The following ROBO2 variants were observed in gnomAD, a reference collection of about 807,000 sequenced individuals.
The protein encoded by ROBO2 is roundabout guidance receptor 2.
ROBO2 carries 53 observed loss-of-function variants against 160.8 expected under a neutral mutation model. That is an observed-to-expected ratio of 0.33 (90% CI 0.26 to 0.41). The LOEUF is 0.41. Ranked by LOEUF, ROBO2 falls within the 10% of genes least tolerant of loss-of-function variation. ROBO2 has a pLI of 1.00. For missense variants in ROBO2, 1,577 were observed against 1,722.4 expected (o/e 0.92, Z 1.49); for synonymous variants, 664 against 611.7 (o/e 1.09, Z -1.26).
chr3:77,488,513 T>C (rs551704313), intron 4 of ROBO2, among the ~76,000 whole-genome samples: 9 of 152,332 alleles, frequency 5.9e-5, no homozygotes, highest in African/African-American at 2.2e-4. Flanking sequence ...TATTCAATAG[T>C]TTAAGATTTT....
intron 2 of ROBO2, among the ~76,000 whole-genome samples, chr3:76,459,340 A>G (rs2077959668): frequency 6.6e-6 from 1 of 152,218 alleles, no homozygotes; most frequent in Non-Finnish European, 1.5e-5. Flanking sequence ...TAAAATTTCA[A>G]CGGTGTAACA....
rs573768570 is a variant in ROBO2, at chr3:75,911,556, T to C, written c.-14+4596T>C. ...TCCCTTTCTGAAGCCTTGTTTCTTT[T>C]TTTTTTTTTTTTTTTTTTTGAGACG... On this transcript the variant is annotated intron_variant, in intron 1 of 26. Transcript: ENST00000487694. Among the ~76,000 whole-genome samples the C allele has an allele frequency of 7.9e-5, 10 of 126,212 alleles. No individual in the cohort carries two copies. In the East Asian group the frequency reaches 2.1e-3, roughly 27 times the overall value. The allele number at this position is 126,212 out of a possible 152,430, so 82.8% of individuals were successfully genotyped here.
intron 8 of ROBO2, among the ~76,000 whole-genome samples, chr3:77,551,402 T>A (rs2092916361): frequency 3.3e-5 from 5 of 152,060 alleles, no homozygotes. Context: ...AGTTAGCTAA[T>A]CACATTAGGA....
intron 2 of ROBO2, among the ~76,000 whole-genome samples, chr3:77,224,774 G>T (rs761843250): frequency 2.6e-5 from 4 of 151,778 alleles, no homozygotes; most frequent in Non-Finnish European, 5.9e-5. Flanking sequence ...CTGGGCAGAA[G>T]AATCTTGATA....
chr3:76,371,747 G>A (rs527656681), intron 2 of ROBO2, among the ~76,000 whole-genome samples: 136 of 151,808 alleles, frequency 9.0e-4, no homozygotes, highest in Non-Finnish European at 1.8e-3. Context: ...GCAATTATTT[G>A]ACCATATCAA....
intron 2 of ROBO2, among the ~76,000 whole-genome samples, chr3:77,221,878 G>A (rs2085862683): frequency 7.4e-6 from 1 of 134,248 alleles, no homozygotes. Context: ...TTTTGAGACA[G>A]AGTCTTGCTC....
At chr3:76,087,292 A>G (rs1168652324) in intron 2 of ROBO2, among the ~76,000 whole-genome samples, 1 of 152,096 alleles carries the variant, frequency 6.6e-6, no homozygotes, top group African/African-American at 2.4e-5. Flanking sequence ...CCTTAATTAT[A>G]AAAGATCAAA....
intron 2 of ROBO2, among the ~76,000 whole-genome samples, chr3:76,995,785 T>A (rs1417622333): frequency 5.3e-5 from 8 of 152,208 alleles, no homozygotes; most frequent in Non-Finnish European, 1.0e-4. Flanking sequence ...TTTGCCCACT[T>A]TTTGATGGGG....
chr3:76,264,430 A>C (rs998764144), intron 2 of ROBO2, among the ~76,000 whole-genome samples: 1 of 151,756 alleles, frequency 6.6e-6, no homozygotes, highest in African/African-American at 2.4e-5. Context: ...CCTACTTTAT[A>C]GTACATTTTC....
chr3:76,358,245 T>G (rs1433633616), intron 2 of ROBO2, among the ~76,000 whole-genome samples: 2 of 151,994 alleles, frequency 1.3e-5, no homozygotes, highest in Non-Finnish European at 2.9e-5. Context: ...TGCTTCATTT[T>G]TCCCCACTCC....
At chr3:76,815,362 T>C (rs966282558) in intron 2 of ROBO2, among the ~76,000 whole-genome samples, 1 of 151,962 alleles carries the variant, frequency 6.6e-6, no homozygotes, top group Non-Finnish European at 1.5e-5. Context: ...AGCTGAGCTA[T>C]TTTAAACCTA....
chr3:76,482,068 C>T (rs1487517505), intron 2 of ROBO2, among the ~76,000 whole-genome samples: 1 of 152,044 alleles, frequency 6.6e-6, no homozygotes. Context: ...ACCTGATGTG[C>T]CAAATCTTGA....
At chr3:77,530,268 G>T (rs1039556103) in intron 6 of ROBO2, among the ~76,000 whole-genome samples, 24 of 151,922 alleles carry the variant, frequency 1.6e-4, no homozygotes, top group African/African-American at 5.1e-4. Flanking sequence ...TAGAGCTTTT[G>T]AATGAAAATT....
intron 2 of ROBO2, among the ~76,000 whole-genome samples, chr3:77,109,175 T>C (rs1407599195): frequency 6.6e-6 from 1 of 152,226 alleles, no homozygotes; most frequent in African/African-American, 2.4e-5. Context: ...TAGAGTTTTG[T>C]ACAGTACCTT....
chr3:76,710,351 C>T (rs1473585611), intron 2 of ROBO2, among the ~76,000 whole-genome samples: 1 of 152,112 alleles, frequency 6.6e-6, no homozygotes, highest in Non-Finnish European at 1.5e-5. Flanking sequence ...GATCCCTTGA[C>T]CTTGTGATCC....
At chr3:77,440,488 C>T (rs1473854532) in intron 2 of ROBO2, among the ~76,000 whole-genome samples, 2 of 152,070 alleles carry the variant, frequency 1.3e-5, no homozygotes, top group Non-Finnish European at 2.9e-5. Flanking sequence ...ATGAGCTGTG[C>T]ATATGGCTTT....
intron 2 of ROBO2, among the ~76,000 whole-genome samples, chr3:76,438,898 A>G (rs1313065213): frequency 1.3e-5 from 2 of 151,966 alleles, no homozygotes; most frequent in African/African-American, 4.8e-5. Flanking sequence ...CAAGGCATAA[A>G]GTTCACAAGA....
At chr3:77,619,640 C>T (rs959964533) in intron 22 of ROBO2, among the ~76,000 whole-genome samples, 1 of 152,220 alleles carries the variant, frequency 6.6e-6, no homozygotes, top group East Asian at 1.9e-4. Flanking sequence ...TTGTTGACTA[C>T]CCATATGGCT....
chr3:77,061,102 C>G (rs964338056), intron 1 of ROBO2, among the ~76,000 whole-genome samples: 1 of 151,980 alleles, frequency 6.6e-6, no homozygotes, highest in East Asian at 1.9e-4. Context: ...CCAGCTCATT[C>G]TTTTTTAATT....
Sources: allele counts gnomAD v4.1 joint callset (sites outside exome capture counted in the v4.1 genomes callset), GRCh38; gene constraint gnomAD v4.1.1; transcripts MANE v1.5; gene names NCBI Gene and HGNC (gene_info 2026-07-23, HGNC 2026-07-21).